The following PCDHA3 variants were observed in gnomAD, a reference collection of about 807,000 sequenced individuals.
PCDHA3 encodes the protein protocadherin alpha 3.
PCDHA3 carries 41 observed loss-of-function variants against 62.2 expected under a neutral mutation model. The observed-to-expected ratio is 0.66, with a 90% CI of 0.51 to 0.86. The LOEUF (loss-of-function observed/expected upper bound fraction) is 0.86, where lower values mean the gene tolerates loss of function less well. Ranked by LOEUF, PCDHA3 falls within the 40% of genes least tolerant of loss-of-function variation. PCDHA3 has a pLI of 0.00. For missense variants in PCDHA3, 1,304 were observed against 1,241.2 expected, an observed-to-expected ratio of 1.05 and a Z score of -0.76; for synonymous variants, 640 against 555.4, an observed-to-expected ratio of 1.15 and a Z score of -2.14.
intron 1 of PCDHA3, chr5:140,869,225 A>G (rs2050944514): frequency 6.2e-7 from 1 of 1,613,790 alleles, no homozygotes; most frequent in African/African-American, 1.3e-5. Flanking sequence ...GAGGCCAAAC[A>G]CGGCACCTTC....
Position 140,850,654 on chromosome 5 carries a change from T to C in PCDHA3, c.2394+47063T>C, listed in dbSNP as rs2150492397. On this transcript the variant is annotated intron_variant, in intron 1 of 3. Coordinates refer to ENST00000522353, the MANE Select transcript of PCDHA3 (RefSeq NM_018906.3). ...GTTCTCACGCTGCTGCTGTACACTG[T>C]GCTGCGGTGCTCGGCGATGCCCACC... The C allele has an allele frequency of 1.6e-5, 25 of 1,598,638 alleles. 2 individuals are homozygous for C. The highest frequency in any genetic ancestry group is 2.1e-5 in the Non-Finnish European group (25 of 1,167,896).
intron 1 of PCDHA3, chr5:140,869,216 A>C: frequency 6.2e-7 from 1 of 1,613,836 alleles, no homozygotes; most frequent in South Asian, 1.1e-5. Flanking sequence ...GTCTCGGAGG[A>C]GGCCAAACAC....
intron 1 of PCDHA3, chr5:140,861,171 A>G (rs2046785081): frequency 6.3e-6 from 1 of 158,188 alleles, no homozygotes; most frequent in Non-Finnish European, 1.4e-5. Flanking sequence ...TCTCAGAGGA[A>G]CTAAGTCTTT....
chr5:140,917,936 A>G (rs155801), intron 1 of PCDHA3, among the ~76,000 whole-genome samples: 49,654 of 151,910 alleles, frequency 0.33, 8,386 homozygotes, highest in East Asian at 0.53. Context: ...GAAAAATAAT[A>G]TTGGTAGTTT....
chr5:140,820,815 A>G (rs1554127928), intron 1 of PCDHA3, among the ~76,000 whole-genome samples: 1 of 152,112 alleles, frequency 6.6e-6, no homozygotes, highest in Non-Finnish European at 1.5e-5. Context: ...ACAATTTTTA[A>G]TAATTGCTTT....
At chr5:140,897,841 C>G (rs1272606504) in intron 1 of PCDHA3, among the ~76,000 whole-genome samples, 2 of 152,282 alleles carry the variant, frequency 1.3e-5, no homozygotes, top group South Asian at 2.1e-4. Flanking sequence ...CACATCCTCT[C>G]CAGCACCTGT....
chr5:140,914,130 A>G (rs552189632), intron 1 of PCDHA3, among the ~76,000 whole-genome samples: 2 of 152,146 alleles, frequency 1.3e-5, no homozygotes, highest in African/African-American at 4.8e-5. Flanking sequence ...TTCTTTGTTG[A>G]GTTTTTGTCT....
intron 1 of PCDHA3, chr5:140,876,605 A>T (rs1582292779): frequency 6.2e-7 from 1 of 1,614,060 alleles, no homozygotes; most frequent in South Asian, 1.1e-5. Context: ...TCGGATCGTG[A>T]CTCTGGAGCC....
At chr5:140,829,450 G>T (rs2150168198) in intron 1 of PCDHA3, 1 of 1,613,936 alleles carries the variant, frequency 6.2e-7, no homozygotes, top group Non-Finnish European at 8.5e-7. Context: ...ACAATGCTCC[G>T]GCGTTCGCGC....
intron 1 of PCDHA3, chr5:140,870,427 G>T: frequency 1.9e-6 from 3 of 1,614,220 alleles, no homozygotes; most frequent in Non-Finnish European, 2.5e-6. Context: ...CAGGGTATCC[G>T]TGGAGGTGGC....
intron 1 of PCDHA3, among the ~76,000 whole-genome samples, chr5:140,956,122 A>T (rs1371284760): frequency 6.6e-6 from 1 of 152,116 alleles, no homozygotes; most frequent in Non-Finnish European, 1.5e-5. Context: ...CTCTCTTCCT[A>T]TTTGAATACC....
At chr5:140,849,516 G>A in intron 1 of PCDHA3, 2 of 1,597,278 alleles carry the variant, frequency 1.3e-6, no homozygotes, top group East Asian at 2.2e-5. Flanking sequence ...TGTGGAAGTT[G>A]TGGATGTAAA....
chr5:140,943,257 C>CAAAAAAAA (rs1238620023), intron 1 of PCDHA3, among the ~76,000 whole-genome samples: 2 of 77,482 alleles, frequency 2.6e-5, no homozygotes, highest in Admixed American at 1.5e-4. Flanking sequence ...GACTCTGTCT[C>CAAAAAAAA]AAAAAAAAAA....
At chr5:140,869,497 G>T (rs2051177889) in intron 1 of PCDHA3, 2 of 1,614,084 alleles carry the variant, frequency 1.2e-6, no homozygotes. Flanking sequence ...CAACCCGCCG[G>T]TGTTCTCGCT....
chr5:140,843,697 T>G, intron 1 of PCDHA3: 1 of 1,583,576 alleles, frequency 6.3e-7, no homozygotes, highest in Non-Finnish European at 8.7e-7. Flanking sequence ...AAGATTTAAA[T>G]GTTGATCATG....
At chr5:140,862,660 G>C (rs569424242) in intron 1 of PCDHA3, 56 of 546,542 alleles carry the variant, frequency 1.0e-4, no homozygotes, top group African/African-American at 8.2e-4. Flanking sequence ...GCGGGACCGG[G>C]ACGCGCAGGA....
In PCDHA3 at chr5:140,843,066, C is replaced by G. The variant is rs2150351563; in HGVS notation, c.2394+39475C>G. 18 of 1,595,216 alleles carry G rather than the reference C, an allele frequency of 1.1e-5. 2 individuals are homozygous for G. Among genetic ancestry groups the G allele is most frequent in the East Asian group, 4.5e-5 (2 of 44,812 alleles). On this transcript the variant is annotated intron_variant, in intron 1 of 3. Coordinates refer to ENST00000522353, the MANE Select transcript of PCDHA3 (RefSeq NM_018906.3). ...GGTGGCGCAGCGAGCAAGCTGGTGC[C>G]GCGGTCTGTGGGCGCGGGCCACGTG...
At chr5:140,822,326 A>G in intron 1 of PCDHA3, 1 of 1,614,186 alleles carries the variant, frequency 6.2e-7, no homozygotes, top group Non-Finnish European at 8.5e-7. Context: ...GTTAAAACAA[A>G]TGAAGAAGAA....
chr5:140,875,987 T>C, intron 1 of PCDHA3: 1 of 1,614,032 alleles, frequency 6.2e-7, no homozygotes, highest in Non-Finnish European at 8.5e-7. Flanking sequence ...ACCTATGCGT[T>C]AAGTCTAAAT....
Sources: gnomAD v4.1 joint callset for allele counts (sites outside exome capture counted in the v4.1 genomes callset) on GRCh38, gnomAD v4.1.1 for gene constraint, MANE v1.5 for transcripts, NCBI Gene and HGNC (gene_info 2026-07-23, HGNC 2026-07-21) for gene names.